The following PLD5 variants were observed in gnomAD, a reference collection of about 807,000 sequenced individuals.
The protein encoded by PLD5 is inactive phospholipase D5.
In PLD5, 36 loss-of-function variants were observed where a neutral mutation model predicts 61.1. That is an observed-to-expected ratio of 0.59 (90% CI 0.45 to 0.78). PLD5 has a LOEUF of 0.78. Among genes scored for constraint, PLD5 ranks in the 30% least tolerant of loss-of-function variants. The pLI is 0.00. For missense variants in PLD5, 515 were observed against 644.4 expected (o/e 0.80, Z 2.17); for synonymous variants, 243 against 242.8 (o/e 1.00, Z -0.01).
intron 1 of PLD5, among the ~76,000 whole-genome samples, chr1:242,416,147 A>C (rs1397557960): frequency 2.0e-5 from 3 of 152,054 alleles, no homozygotes; most frequent in Non-Finnish European, 4.4e-5. Flanking sequence ...AGCAAAAAAA[A>C]ATTATGTAAT....
At chr1:242,316,534 GAAT>G (rs1344012943) in intron 2 of PLD5, among the ~76,000 whole-genome samples, 1 of 151,994 alleles carries the variant, frequency 6.6e-6, no homozygotes, top group Non-Finnish European at 1.5e-5. Context: ...CTGGTTAGAT[GAAT>G]AATTAGATAA....
intron 1 of PLD5, among the ~76,000 whole-genome samples, chr1:242,520,905 A>G (rs1572285688): frequency 6.6e-6 from 1 of 152,300 alleles, no homozygotes; most frequent in East Asian, 1.9e-4. Flanking sequence ...CATTAGACCT[A>G]AAGTAAATAC....
chr1:242,167,118 A>G (rs1044021437), intron 5 of PLD5, among the ~76,000 whole-genome samples: 4 of 145,650 alleles, frequency 2.7e-5, no homozygotes, highest in East Asian at 2.1e-4. Context: ...ATAATAATAA[A>G]TAGTAGCCAT....
chr1:242,419,429 A>G (rs1349629948), intron 1 of PLD5, among the ~76,000 whole-genome samples: 3 of 139,652 alleles, frequency 2.1e-5, no homozygotes, highest in Non-Finnish European at 3.0e-5. Context: ...AGAGTCTCGC[A>G]CTGTTGCCCA....
At chr1:242,195,399 C>T (rs316829) in intron 5 of PLD5, among the ~76,000 whole-genome samples, 128,400 of 152,270 alleles carry the variant, frequency 0.84, 54,583 homozygotes, top group African/African-American at 0.95. Context: ...TACCTACCTG[C>T]TCTTTTGTTT....
intron 1 of PLD5, among the ~76,000 whole-genome samples, chr1:242,374,338 G>A (rs1661823868): frequency 6.6e-6 from 1 of 152,166 alleles, no homozygotes; most frequent in Non-Finnish European, 1.5e-5. Context: ...TGGGAGAAAT[G>A]CTTTTTCAGT....
chr1:242,353,197 TTGTATACAGTG>T (rs1259689038), intron 1 of PLD5, among the ~76,000 whole-genome samples: 7 of 152,216 alleles, frequency 4.6e-5, no homozygotes, highest in Admixed American at 4.6e-4. Flanking sequence ...GAGTTGATTT[TTGTATACAGTG>T]TGTATACAGT....
At chr1:242,475,570 G>C (rs986741079) in intron 1 of PLD5, among the ~76,000 whole-genome samples, 2 of 152,052 alleles carry the variant, frequency 1.3e-5, no homozygotes, top group African/African-American at 4.8e-5. Flanking sequence ...CAGTTCACAG[G>C]AGCATCTTTA....
chr1:242,327,914 G>A (rs977379633), intron 2 of PLD5, among the ~76,000 whole-genome samples: 1 of 151,606 alleles, frequency 6.6e-6, no homozygotes, highest in African/African-American at 2.4e-5. Context: ...AACATAGCAA[G>A]ACCTTGCCTC....
At chr1:242,313,260 C>G (rs1055561337) in intron 2 of PLD5, among the ~76,000 whole-genome samples, 2 of 152,138 alleles carry the variant, frequency 1.3e-5, no homozygotes, top group Non-Finnish European at 2.9e-5. Context: ...CTTTTCCTTC[C>G]CCAACACACC....
chr1:242,113,129 G>T (rs1225249742), intron 7 of PLD5, among the ~76,000 whole-genome samples: 1 of 124,852 alleles, frequency 8.0e-6, no homozygotes, highest in African/African-American at 3.1e-5. Context: ...TTGCTCTGTC[G>T]CCCAGGCTGG....
chr1:242,357,265 T>C (rs1275731467), intron 1 of PLD5, among the ~76,000 whole-genome samples: 2 of 151,464 alleles, frequency 1.3e-5, no homozygotes, highest in Admixed American at 6.6e-5. Context: ...CCCACTGGCC[T>C]AGAGAGTTTC....
chr1:242,194,221 T>A lies in PLD5; in HGVS notation c.735+25767A>T, dbSNP rs141564779. On this transcript the variant is annotated intron_variant, in intron 5 of 9. Transcript: ENST00000536534. ...CTCATATTTCTGTTTTCTGATGGGA[T>A]GGGCATCAGATACTCACAAGTTTTT... Among the ~76,000 whole-genome samples, 45 of 152,290 alleles carry A rather than the reference T, an allele frequency of 3.0e-4. No homozygotes were observed. In the East Asian group the frequency reaches 7.4e-3, roughly 25 times the overall value.
At chr1:242,423,424 C>T (rs914761278) in intron 1 of PLD5, among the ~76,000 whole-genome samples, 2 of 152,058 alleles carry the variant, frequency 1.3e-5, no homozygotes, top group Non-Finnish European at 2.9e-5. Flanking sequence ...AATACTGTGG[C>T]GAAATACGTG....
At chr1:242,177,397 A>G (rs1667227207) in intron 5 of PLD5, among the ~76,000 whole-genome samples, 1 of 152,086 alleles carries the variant, frequency 6.6e-6, no homozygotes, top group Non-Finnish European at 1.5e-5. Context: ...GGGGAACAAC[A>G]CACACCGGGG....
chr1:242,266,846 T>C (rs749722381), intron 3 of PLD5, among the ~76,000 whole-genome samples: 1 of 152,090 alleles, frequency 6.6e-6, no homozygotes, highest in Non-Finnish European at 1.5e-5. Flanking sequence ...GCCGGGTGCG[T>C]AGCCTCACAC....
intron 3 of PLD5, among the ~76,000 whole-genome samples, chr1:242,273,501 A>G (rs1422152899): frequency 1.3e-5 from 2 of 152,220 alleles, no homozygotes; most frequent in Admixed American, 6.5e-5. Context: ...TCCAGTCAGA[A>G]TTAGTACACA....
At chr1:242,287,780 T>G (rs1157125570) in intron 3 of PLD5, among the ~76,000 whole-genome samples, 3 of 152,216 alleles carry the variant, frequency 2.0e-5, no homozygotes, top group African/African-American at 7.2e-5. Context: ...CAGAAATTGT[T>G]TAGATCATTA....
rs182518216 is a variant in PLD5, at chr1:242,305,269, G to C, written c.327-16739C>G. On this transcript the variant is annotated intron_variant, in intron 2 of 9. Coordinates refer to ENST00000536534, the MANE Select transcript of PLD5 (RefSeq NM_001372062.1). Reference sequence around the variant, plus strand: ...GTAATCCCACTCCTGATTGCTGTGTGTTCCAGCGTCCTGCCCCAGGGTCAC... The same window carrying C: ...GTAATCCCACTCCTGATTGCTGTGTCTTCCAGCGTCCTGCCCCAGGGTCAC... Among the ~76,000 whole-genome samples the C allele has an allele frequency of 3.0e-3, 457 of 152,344 alleles. 1 individual carries two copies. Among genetic ancestry groups the C allele is most frequent in the Admixed American group, 7.5e-3 (115 of 15,302 alleles).
Sources: allele counts gnomAD v4.1 joint callset (sites outside exome capture counted in the v4.1 genomes callset), GRCh38; gene constraint gnomAD v4.1.1; transcripts MANE v1.5; gene names NCBI Gene and HGNC (gene_info 2026-07-23, HGNC 2026-07-21).